PCDHA11: variants seen among roughly 807,000 people sequenced by gnomAD.
PCDHA11 encodes protocadherin alpha 11, also known as protocadherin alpha-11.
Under a neutral mutation model 70.3 loss-of-function variants are expected in PCDHA11, and 61 were observed. The ratio of observed to expected loss-of-function variants is 0.87; its 90% CI spans 0.71 to 1.07. The LOEUF is 1.07. Ranked by LOEUF, PCDHA11 falls within the 50% of genes least tolerant of loss-of-function variation. The pLI is 0.00. For missense variants in PCDHA11, 1,324 were observed against 1,237.5 expected (o/e 1.07, Z -1.05); for synonymous variants, 633 against 555.1 (o/e 1.14, Z -1.97).
At chr5:141,006,077 T>C (rs1554260547) in intron 3 of PCDHA11, among the ~76,000 whole-genome samples, 1 of 150,908 alleles carries the variant, frequency 6.6e-6, no homozygotes, top group East Asian at 1.9e-4. Flanking sequence ...ATCAGATTAT[T>C]GAAGGGACTT....
At chr5:140,884,122 G>T (rs1212118784) in intron 1 of PCDHA11, 1 of 1,613,188 alleles carries the variant, frequency 6.2e-7, no homozygotes, top group Non-Finnish European at 8.5e-7. Context: ...CGGTCGGCGC[G>T]CGCATCCCGT....
Position 140,946,375 on chromosome 5 carries a change from G to A in PCDHA11, c.2392-32574G>A, listed in dbSNP as rs531638250. Among the ~76,000 whole-genome samples, 14 of 151,710 alleles carry A rather than the reference G, an allele frequency of 9.2e-5. No homozygotes were observed. In the South Asian group the frequency reaches 2.9e-3, roughly 32 times the overall value. On this transcript the variant is annotated intron_variant, in intron 1 of 3. Transcript: ENST00000398640. ...TGGAGAAAAGGGAACTCTTGCACACGGTTGGTAGGAATGTAAATTAGTACA... is the reference window on the plus strand; with the variant it reads ...TGGAGAAAAGGGAACTCTTGCACACAGTTGGTAGGAATGTAAATTAGTACA...
chr5:140,894,997 T>G (rs566489828), intron 1 of PCDHA11, among the ~76,000 whole-genome samples: 15 of 152,296 alleles, frequency 9.8e-5, no homozygotes, highest in African/African-American at 3.6e-4. Flanking sequence ...TCCTTTACCC[T>G]TTTTACTTGG....
At chr5:140,884,432 C>T (rs782413139) in intron 1 of PCDHA11, 2 of 1,613,880 alleles carry the variant, frequency 1.2e-6, no homozygotes, top group East Asian at 4.5e-5. Flanking sequence ...TACTGCGCTG[C>T]GGTGCTCGGC....
At chr5:140,889,159 A>G (rs1392016642) in intron 1 of PCDHA11, among the ~76,000 whole-genome samples, 1 of 151,652 alleles carries the variant, frequency 6.6e-6, no homozygotes, top group Non-Finnish European at 1.5e-5. Context: ...CTTCTTTGTT[A>G]AGTATTCAAG....
rs193081186 is a variant in PCDHA11, at chr5:140,886,365, A to G, written c.2391+14871A>G. Among the ~76,000 whole-genome samples the G allele has an allele frequency of 3.1e-3, 466 of 152,304 alleles. 3 individuals carry two copies. Among genetic ancestry groups the G allele is most frequent in the Middle Eastern group, 0.014 (4 of 294 alleles). On this transcript the variant is annotated intron_variant, in intron 1 of 3. Transcript: ENST00000398640. Reference sequence around the variant, plus strand: ...GTGCAGGTTTGTTACATAGGTGTACATGCCATGGTGTGCTTATCTATTATC... The same window carrying G: ...GTGCAGGTTTGTTACATAGGTGTACGTGCCATGGTGTGCTTATCTATTATC...
intron 1 of PCDHA11, among the ~76,000 whole-genome samples, chr5:140,972,314 GTGT>G (rs1387433472): frequency 1.3e-5 from 2 of 150,490 alleles, no homozygotes; most frequent in Non-Finnish European, 3.0e-5. Context: ...TAGTTTTTAG[GTGT>G]TTTTTTTTTT....
chr5:140,986,291 A>C (rs1554247870), intron 3 of PCDHA11, among the ~76,000 whole-genome samples: 1 of 152,142 alleles, frequency 6.6e-6, no homozygotes, highest in East Asian at 1.9e-4. Context: ...CTTGAGACTG[A>C]GCAGAGAGAG....
At chr5:140,894,256 A>G (rs1554186008) in intron 1 of PCDHA11, among the ~76,000 whole-genome samples, 1 of 152,010 alleles carries the variant, frequency 6.6e-6, no homozygotes, top group African/African-American at 2.4e-5. Context: ...TTTTCTTTAC[A>G]AGTGGTAGCT....
intron 1 of PCDHA11, among the ~76,000 whole-genome samples, chr5:140,895,496 T>A (rs1364776623): frequency 1.3e-5 from 2 of 152,216 alleles, no homozygotes; most frequent in African/African-American, 4.8e-5. Flanking sequence ...TATTCAGAAC[T>A]TTTGCCCAAT....
chr5:140,923,343 T>C (rs1251719779), intron 1 of PCDHA11, among the ~76,000 whole-genome samples: 1 of 152,122 alleles, frequency 6.6e-6, no homozygotes, highest in African/African-American at 2.4e-5. Flanking sequence ...TTGGGCAACA[T>C]AGTGGGACCC....
intron 1 of PCDHA11, chr5:140,966,838 G>T: frequency 6.4e-7 from 1 of 1,566,772 alleles, no homozygotes. Flanking sequence ...CCTGGCTGCT[G>T]CTACTGCCTC....
intron 1 of PCDHA11, among the ~76,000 whole-genome samples, chr5:140,908,466 C>T (rs2073988233): frequency 6.6e-6 from 1 of 152,134 alleles, no homozygotes. Flanking sequence ...TCAGAAAGCA[C>T]CCAGTTCATG....
At chr5:140,921,333 A>G (rs1245281166) in intron 1 of PCDHA11, among the ~76,000 whole-genome samples, 1 of 152,182 alleles carries the variant, frequency 6.6e-6, no homozygotes, top group Admixed American at 6.5e-5. Flanking sequence ...GTCTGGTCCA[A>G]TCACATAATA....
intron 3 of PCDHA11, among the ~76,000 whole-genome samples, chr5:140,990,262 C>T (rs2097383201): frequency 6.6e-6 from 1 of 152,152 alleles, no homozygotes; most frequent in South Asian, 2.1e-4. Context: ...GGATACCAAA[C>T]AATGTACCCC....
intron 1 of PCDHA11, chr5:140,877,489 G>A: frequency 6.2e-7 from 1 of 1,613,844 alleles, no homozygotes; most frequent in Non-Finnish European, 8.5e-7. Context: ...GGTGGAGAAC[G>A]GCCAGGCCCC....
chr5:140,964,930 G>A (rs1480159584), intron 1 of PCDHA11, among the ~76,000 whole-genome samples: 12 of 152,306 alleles, frequency 7.9e-5, no homozygotes, highest in Middle Eastern at 3.4e-3. Flanking sequence ...CTAGGTAGTG[G>A]AGCATTGATA....
At chr5:140,877,771 AC>A in intron 1 of PCDHA11, 2 of 1,614,178 alleles carry the variant, frequency 1.2e-6, no homozygotes, top group South Asian at 2.2e-5. Flanking sequence ...CCCGCCCAAG[AC>A]GGACCTCATG....
intron 1 of PCDHA11, among the ~76,000 whole-genome samples, chr5:140,925,768 G>A (rs1018599372): frequency 6.6e-6 from 1 of 151,870 alleles, no homozygotes; most frequent in Admixed American, 6.6e-5. Flanking sequence ...TAGTTTCCTG[G>A]TCAAACTCTA....
Sources: gnomAD v4.1 joint callset for allele counts (sites outside exome capture counted in the v4.1 genomes callset) on GRCh38, gnomAD v4.1.1 for gene constraint, MANE v1.5 for transcripts, NCBI Gene and HGNC (gene_info 2026-07-23, HGNC 2026-07-21) for gene names.